The following PTPRK variants were observed in gnomAD, a reference collection of about 807,000 sequenced individuals.
The protein encoded by PTPRK is receptor-type tyrosine-protein phosphatase kappa.
In PTPRK, 75 loss-of-function variants were observed where a neutral mutation model predicts 178.0. The observed-to-expected ratio is 0.42, with a 90% CI of 0.35 to 0.51. The LOEUF is 0.51. Among genes scored for constraint, PTPRK ranks in the 20% least tolerant of loss-of-function variants. The pLI, the probability that PTPRK is intolerant of heterozygous loss-of-function variation, is 0.02. For synonymous variants in PTPRK, 637 were observed against 620.6 expected (o/e 1.03, Z -0.39); for missense variants, 1,441 against 1,797.8 (o/e 0.80, Z 3.59).
rs1161051752 is a variant in PTPRK, at chr6:128,437,194, C to T, written c.101-39506G>A. Among the ~76,000 whole-genome samples, 5 of 152,148 alleles carry T rather than the reference C, an allele frequency of 3.3e-5. 1 individual carries two copies. The highest frequency in any genetic ancestry group is 4.2e-4 in the South Asian group (2 of 4,814). ...ATAAGACCCAGAACTTATGGAAATG[C>T]CCTAGTACTTTAAGAACAAAAACCA... On this transcript the variant is annotated intron_variant, in intron 1 of 29. Transcript: ENST00000368226.
intron 7 of PTPRK, among the ~76,000 whole-genome samples, chr6:128,093,657 C>CAAAAAAGG (rs945065826): frequency 9.6e-5 from 4 of 41,534 alleles, no homozygotes; most frequent in South Asian, 1.6e-3. Context: ...AAACAAAAAA[C>CAAAAAAGG]AAAAAAGGAA....
At chr6:128,296,455 T>C (rs1178356020) in intron 3 of PTPRK, among the ~76,000 whole-genome samples, 2 of 151,794 alleles carry the variant, frequency 1.3e-5, no homozygotes, top group Non-Finnish European at 2.9e-5. Flanking sequence ...AAGGAAAAAA[T>C]GTTAAGGGCA....
chr6:127,984,842 T>C (rs928906608), intron 22 of PTPRK, among the ~76,000 whole-genome samples: 31 of 152,218 alleles, frequency 2.0e-4, no homozygotes, highest in East Asian at 3.9e-4. Context: ...ATGAGGAGGA[T>C]TGAAAGGAAG....
chr6:128,289,056 G>A (rs1234940635), intron 3 of PTPRK, among the ~76,000 whole-genome samples: 4 of 151,964 alleles, frequency 2.6e-5, no homozygotes, highest in African/African-American at 9.7e-5. Context: ...TCTTGAAGTG[G>A]TGTCTCTGAA....
intron 13 of PTPRK, among the ~76,000 whole-genome samples, chr6:128,014,344 G>A (rs549486230): frequency 4.0e-5 from 6 of 151,758 alleles, no homozygotes; most frequent in African/African-American, 1.4e-4. Flanking sequence ...GTCACTGAAA[G>A]CACAAGGGAT....
intron 7 of PTPRK, among the ~76,000 whole-genome samples, chr6:128,137,564 T>C (rs1583177400): frequency 6.6e-6 from 1 of 152,182 alleles, no homozygotes; most frequent in East Asian, 1.9e-4. Context: ...GATATCTCTT[T>C]GTGTGTCTTC....
chr6:128,239,991 A>G, intron 5 of PTPRK, 44 bp downstream of exon 5: 2 of 1,462,486 alleles, frequency 1.4e-6, no homozygotes, highest in Non-Finnish European at 1.9e-6. Context: ...ATGTTTTTAA[A>G]ACATAAAGTA....
At chr6:128,249,528 G>A (rs1453749578) in intron 3 of PTPRK, among the ~76,000 whole-genome samples, 1 of 152,042 alleles carries the variant, frequency 6.6e-6, no homozygotes, top group Non-Finnish European at 1.5e-5. Flanking sequence ...AGCAAAATGA[G>A]TATAGTAGAA....
chr6:128,472,746 C>A, intron 1 of PTPRK: 3 of 295,438 alleles, frequency 1.0e-5, no homozygotes, highest in East Asian at 1.2e-4. Flanking sequence ...AATATTGATG[C>A]CAAATTAAGA....
At chr6:128,155,810 T>C (rs538360080) in intron 7 of PTPRK, among the ~76,000 whole-genome samples, 4 of 151,968 alleles carry the variant, frequency 2.6e-5, no homozygotes, top group African/African-American at 7.2e-5. Context: ...TCTAGTGTTA[T>C]GAGATGTTTC....
chr6:128,516,184 G>A (rs1857986176), intron 1 of PTPRK, among the ~76,000 whole-genome samples: 2 of 152,162 alleles, frequency 1.3e-5, no homozygotes, highest in Admixed American at 6.5e-5. Flanking sequence ...AAAAGAGTAG[G>A]AGGGAGTGTG....
At chr6:128,067,845 A>G (rs4897242) in intron 11 of PTPRK, 53 bp from the exon 12 acceptor site, 1,204,145 of 1,443,232 alleles carry the variant, frequency 0.83, 506,938 homozygotes, top group South Asian at 0.98. Flanking sequence ...ATATTTAGAG[A>G]TTTAAGATAC....
intron 7 of PTPRK, among the ~76,000 whole-genome samples, chr6:128,102,047 G>A (rs947116491): frequency 2.9e-4 from 44 of 152,242 alleles, no homozygotes; most frequent in African/African-American, 1.0e-3. Flanking sequence ...ATATTAACAC[G>A]TATGCCCTCT....
At chr6:128,224,847 C>T (rs2128275737) in intron 5 of PTPRK, among the ~76,000 whole-genome samples, 1 of 152,256 alleles carries the variant, frequency 6.6e-6, no homozygotes, top group East Asian at 1.9e-4. Context: ...ATAAGGCAGT[C>T]CAGTCTAAGG....
chr6:128,328,958 A>T (rs934681597), intron 2 of PTPRK, among the ~76,000 whole-genome samples: 2 of 152,156 alleles, frequency 1.3e-5, no homozygotes, highest in Non-Finnish European at 2.9e-5. Flanking sequence ...GTAGTATCAT[A>T]CATTATGTAA....
At chr6:128,407,941 G>C (rs1235406491) in intron 1 of PTPRK, among the ~76,000 whole-genome samples, 1 of 152,036 alleles carries the variant, frequency 6.6e-6, no homozygotes, top group Non-Finnish European at 1.5e-5. Context: ...TTTGAAGTCT[G>C]GTATCTTCTC....
intron 15 of PTPRK, chr6:128,000,341 GA>G (rs113113294): frequency 3.7e-3 from 4,268 of 1,151,628 alleles, no homozygotes; most frequent in South Asian, 9.8e-3. Context: ...CTGGAGAAGG[GA>G]AAAAAAAAAG....
At chr6:128,488,224 A>G (rs1369084033) in intron 1 of PTPRK, among the ~76,000 whole-genome samples, 1 of 152,180 alleles carries the variant, frequency 6.6e-6, no homozygotes, top group East Asian at 1.9e-4. Context: ...AGCACAGGAG[A>G]AAGATGAAGG....
chr6:128,003,262 ATATT>A, intron 15 of PTPRK: 2 of 1,562,266 alleles, frequency 1.3e-6, no homozygotes, highest in Non-Finnish European at 1.7e-6. Context: ...ATGAAGGAAT[ATATT>A]GCTCTAAAAT....
Sources: allele counts gnomAD v4.1 joint callset (sites outside exome capture counted in the v4.1 genomes callset), GRCh38; gene constraint gnomAD v4.1.1; transcripts MANE v1.5; gene names NCBI Gene and HGNC (gene_info 2026-07-23, HGNC 2026-07-21).